MAP7D3: variants seen among roughly 807,000 people sequenced by gnomAD.
The protein encoded by MAP7D3 is MAP7 domain containing 3.
Under a neutral mutation model 62.2 loss-of-function variants are expected in MAP7D3, and 45 were observed. That is an observed-to-expected ratio of 0.72 (90% CI 0.57 to 0.93). MAP7D3 has a LOEUF of 0.93. Ranked by LOEUF, MAP7D3 falls within the 40% of genes least tolerant of loss-of-function variation. The pLI is 0.00. For synonymous variants in MAP7D3, 288 were observed against 248.8 expected, an observed-to-expected ratio of 1.16 and a Z score of -1.48; for missense variants, 711 against 683.1, an observed-to-expected ratio of 1.04 and a Z score of -0.45.
At chrX:136,216,481 T>C (rs923776859), downstream of MAP7D3, among the ~76,000 whole-genome samples, 1 of 104,013 alleles carries the variant, frequency 9.6e-6, no homozygotes, top group African/African-American at 3.5e-5. Flanking sequence ...ATGACTGTGG[T>C]CCCAGCTACT....
At chrX:136,216,374 A>G (rs772685989), downstream of MAP7D3, among the ~76,000 whole-genome samples, 398 of 105,063 alleles carry the variant, frequency 3.8e-3, 2 homozygotes, top group Non-Finnish European at 6.4e-3. Context: ...AAAAAAAAAA[A>G]AAAAAAAGAA....
In MAP7D3 at chrX:136,251,278, C is replaced by A. The variant is rs1188652076; in HGVS notation, c.70+11G>T. 4.4e-6 allele frequency: 5 copies of A among 1,128,776 alleles called. No individual in the cohort carries two copies. Among genetic ancestry groups the A allele is most frequent in the South Asian group, 2.0e-5 (1 of 50,792 alleles). 93.0% of individuals were successfully genotyped at this position (1,128,776 alleles called of 1,213,427 possible). A position where few individuals can be genotyped will look rare whatever the true frequency, so the allele number is the denominator to read the frequency against. On this transcript the variant is annotated intron_variant, in intron 1 of 18. Transcript: ENST00000316077. ...GCCCGAACCACCCCCGGGAGCCACC[C>A]GCCCGCTCACCCATCCGTGCCCGCA...
intron 10 of MAP7D3, 27 bp from the exon 11 acceptor site, chrX:136,228,785 T>G: frequency 8.9e-7 from 1 of 1,123,531 alleles, no homozygotes; most frequent in Non-Finnish European, 1.2e-6. Context: ...TGTGCAACAG[T>G]TAAGAGAGCT....
rs1241982402 is a variant in MAP7D3 at position 136,228,663 on chromosome X, T to C, written c.1846A>G (p.Lys616Glu). Residue 616 changes from lysine (K) to glutamate (E), a missense_variant, in exon 11 of 19, where the codon AAA becomes GAA. Coordinates refer to ENST00000316077, the MANE Select transcript of MAP7D3 (RefSeq NM_024597.4). ...LRRLAREQRE[K>E]EEEERQREEM... ...TCCCGTTGTCTTTCTTCTTCCTCTT[T>C]TTCTCTTTGTTCACGAGCAAGGCGG... 3 of 1,205,679 alleles carry C rather than the reference T, an allele frequency of 2.5e-6. No individual in the cohort carries two copies. The highest frequency in any genetic ancestry group is 1.8e-5 in the South Asian group (1 of 55,543).
chrX:136,215,446 C>T (rs1019892020), downstream of MAP7D3, among the ~76,000 whole-genome samples: 24 of 112,006 alleles, frequency 2.1e-4, no homozygotes, highest in Non-Finnish European at 2.3e-4. Context: ...TAATGTCTGA[C>T]GGTCTGTCAC....
At chrX:136,236,420 T>A (rs1344163502) in intron 6 of MAP7D3, 81 bp from the exon 7 acceptor site, 2 of 502,415 alleles carry the variant, frequency 4.0e-6, no homozygotes, top group Non-Finnish European at 6.5e-6. Context: ...TTTTCAAACA[T>A]TTTTTATGTT....
intron 11 of MAP7D3, 101 bp downstream of exon 11, chrX:136,228,522 T>C: frequency 1.2e-6 from 1 of 840,590 alleles, no homozygotes. Context: ...AGAAAGTCAA[T>C]TGTTCTTTGA....
Position 136,236,282 on chromosome X carries a change from G to A in MAP7D3, c.698C>T (p.Ser233Leu). ...TTCGGCTTGTTCTTTATCAGTAGACGAATGTAGGTTACTATCTCTTCTATT... is the reference window on the plus strand; with the variant it reads ...TTCGGCTTGTTCTTTATCAGTAGACAAATGTAGGTTACTATCTCTTCTATT... ...SLNRRDSNLH[S>L]STDKEQAERK... The change falls in exon 7 of 19, where the codon TCG (serine) becomes TTG (leucine). Residue 233 changes from serine (S) to leucine (L), a missense_variant. Transcript: ENST00000316077. The A allele has an allele frequency of 3.3e-6, 4 of 1,195,394 alleles. No individual in the cohort carries two copies. Among genetic ancestry groups the A allele is most frequent in the East Asian group, 3.0e-5 (1 of 33,408 alleles).
In MAP7D3 at chrX:136,220,866, G is replaced by A; in HGVS notation, c.2385C>T (p.Thr795=). Residue 795 remains threonine (T), a synonymous_variant, in exon 16 of 19, where the codon ACC becomes ACT. Transcript: ENST00000316077. ...THKLVFLEDG[T]SQVRKEPKTY... is the part of the protein sequence containing the mutation. ...TTTTTGGCTCTTTACGGACCTGGCT[G>A]GTACCATCTTCTAGAAATACCAGCT... 1 of 1,204,779 alleles carries A rather than the reference G, an allele frequency of 8.3e-7. No individual in the cohort carries two copies.
chrX:136,226,037 C>A (rs1236194681), intron 12 of MAP7D3, 24 bp from the exon 13 acceptor site: 13 of 1,040,793 alleles, frequency 1.2e-5, no homozygotes, highest in Admixed American at 2.4e-5. Context: ...ATAAAAATAT[C>A]ATTCAATCTC....
chrX:136,246,208 C>G lies in MAP7D3; in HGVS notation c.169+35G>C, dbSNP rs763194379. 5.3e-6 allele frequency: 6 copies of G among 1,126,798 alleles called. No homozygotes were observed. The Admixed American group carries it at 1.3e-4, about 25-fold the overall frequency. 92.9% of individuals were successfully genotyped at this position (1,126,798 alleles called of 1,213,427 possible). A position where few individuals can be genotyped will look rare whatever the true frequency, so the allele number is the denominator to read the frequency against. Reference sequence around the variant, plus strand: ...GATATCAAATTTTAAAGATATGACACTTTGACATCTATCAAAGCATCAGAG... The same window carrying G: ...GATATCAAATTTTAAAGATATGACAGTTTGACATCTATCAAAGCATCAGAG... On this transcript the variant is annotated intron_variant, in intron 2 of 18. Transcript: ENST00000316077.
At chrX:136,226,680 G>A (rs1305323375) in intron 12 of MAP7D3, among the ~76,000 whole-genome samples, 5 of 111,793 alleles carry the variant, frequency 4.5e-5, no homozygotes, top group Non-Finnish European at 9.4e-5. Context: ...TGTAGGATGT[G>A]GAATCTGTTA....
At chrX:136,254,760 C>T (rs1316499448), upstream of MAP7D3, among the ~76,000 whole-genome samples, 1 of 111,810 alleles carries the variant, frequency 8.9e-6, no homozygotes, top group East Asian at 2.8e-4. Flanking sequence ...GTCTTAATTC[C>T]AGCCCATGGT....
At chrX:136,237,973 T>G (rs975370648) in intron 6 of MAP7D3, among the ~76,000 whole-genome samples, 5 of 108,331 alleles carry the variant, frequency 4.6e-5, no homozygotes, top group African/African-American at 1.7e-4. Context: ...AGAACATGCA[T>G]TGTTTGGTTT....
rs762264710 is a variant in MAP7D3 at position 136,241,250 on chromosome X, T to C, written c.445A>G (p.Thr149Ala). The C allele has an allele frequency of 8.6e-7, 1 of 1,157,773 alleles. No homozygotes were observed. Among genetic ancestry groups the C allele is most frequent in the South Asian group, 1.9e-5 (1 of 52,059 alleles). ...TCAGCAAGTCTCCTCCGTTCCAAAG[T>C]ACGATAAAGAATGGCTGTAAATTTT... Reference protein sequence around the residue: ...KEKFTAILYRTLERRRLADDY... With the variant: ...KEKFTAILYRALERRRLADDY... Residue 149 changes from threonine (T) to alanine (A), a missense_variant, in exon 5 of 19, where the codon ACT (threonine) becomes GCT (alanine). Coordinates refer to ENST00000316077, the MANE Select transcript of MAP7D3 (RefSeq NM_024597.4).
At position 136,216,960 on chromosome X, in the gene MAP7D3, A is replaced by T. The variant is rs910926805; in HGVS notation, c.*1566T>A. ...TTTATACATGAAAGAGCTAGTATAT[A>T]AAAATAGTTTTTAAACCAAAGGTAA... On this transcript the variant is annotated 3_prime_UTR_variant, in exon 19 of 19. Transcript: ENST00000316077. The T allele has an allele frequency of 8.9e-6, 1 of 112,320 alleles. No homozygotes were observed. The highest frequency in any genetic ancestry group is 1.9e-5 in the Non-Finnish European group (1 of 53,322). The allele number at this position is 112,320 out of a possible 1,213,427, so 9.3% of individuals were successfully genotyped here.
intron 7 of MAP7D3, among the ~76,000 whole-genome samples, chrX:136,233,635 TAAAAAAAAAAA>T (rs151267120): frequency 3.3e-5 from 1 of 30,588 alleles, no homozygotes; most frequent in African/African-American, 1.4e-4. Context: ...TAAATTAAAC[TAAAAAAAAAAA>T]AAAAAAAAAA....
chrX:136,224,869 T>C lies in MAP7D3; in HGVS notation c.2151A>G (p.Glu717=). ...ERLERKKRIE[E]IMKRTRKTDV... ...CTGTCTTTCTTGTCCGCTTCATAAT[T>C]TCTTCTATTCTCTATTTAAAGGAAA... is the stretch of plus-strand genomic sequence containing the variant. The change falls in exon 14 of 19, where the codon GAA becomes GAG. Residue 717 remains glutamate (E), a synonymous_variant. Coordinates refer to ENST00000316077, the MANE Select transcript of MAP7D3 (RefSeq NM_024597.4). 13 of 1,146,614 alleles carry C rather than the reference T, an allele frequency of 1.1e-5. No individual in the cohort carries two copies. Among genetic ancestry groups the C allele is most frequent in the Non-Finnish European group, 1.6e-5 (13 of 836,951 alleles). The allele number at this position is 1,146,614 out of a possible 1,213,427, so 94.5% of individuals were successfully genotyped here.
chrX:136,240,303 A>G, intron 6 of MAP7D3, 79 bp downstream of exon 6: 2 of 596,050 alleles, frequency 3.4e-6, no homozygotes, highest in Admixed American at 5.0e-5. Flanking sequence ...CCACAATCTA[A>G]ATAGGTGGTA....
Sources: allele counts gnomAD v4.1 joint callset (sites outside exome capture counted in the v4.1 genomes callset), GRCh38; gene constraint gnomAD v4.1.1; transcripts MANE v1.5; gene names NCBI Gene and HGNC (gene_info 2026-07-23, HGNC 2026-07-21).